The following CD44 variants were observed in gnomAD, a reference collection of about 807,000 sequenced individuals.
CD44 encodes CD44 antigen.
Under a neutral mutation model 88.8 loss-of-function variants are expected in CD44, and 49 were observed. The observed-to-expected ratio is 0.55, with a 90% confidence interval of 0.44 to 0.70. The LOEUF is 0.70. Ranked by LOEUF, CD44 falls within the 30% of genes least tolerant of loss-of-function variation. CD44 has a pLI of 0.00. For missense variants in CD44, 883 were observed against 913.8 expected (o/e 0.97, Z 0.43); for synonymous variants, 325 against 312.3 (o/e 1.04, Z -0.43).
chr11:35,205,752 C>A (rs1947767228), intron 10 of CD44: 21 of 984,212 alleles, frequency 2.1e-5, no homozygotes, highest in East Asian at 1.1e-4. Flanking sequence ...AGAATAACAT[C>A]ATGCACTCGG....
chr11:35,206,373 A>G, intron 11 of CD44, 130 bp downstream of exon 11: 1 of 904,080 alleles, frequency 1.1e-6, no homozygotes, highest in South Asian at 2.0e-5. Flanking sequence ...GGTTCTTCAA[A>G]AATTAGTTTT....
chr11:35,222,636 A>T, intron 17 of CD44: 1 of 765,414 alleles, frequency 1.3e-6, no homozygotes, highest in Non-Finnish European at 1.6e-6. Flanking sequence ...TTATATATAC[A>T]CAATAGTAAT....
intron 15 of CD44, chr11:35,218,834 A>C (rs1949054865): frequency 6.4e-6 from 1 of 155,890 alleles, no homozygotes; most frequent in Admixed American, 6.2e-5. Flanking sequence ...TTTGAGTAGC[A>C]AGGTCCTAAA....
intron 1 of CD44, among the ~76,000 whole-genome samples, chr11:35,151,513 G>A (rs763577181): frequency 2.6e-5 from 4 of 152,152 alleles, no homozygotes; most frequent in Admixed American, 2.6e-4. Flanking sequence ...TTAGCTCAAG[G>A]AACATTTCCC....
At chr11:35,195,295 C>T (rs1420137195) in intron 5 of CD44, among the ~76,000 whole-genome samples, 3 of 152,038 alleles carry the variant, frequency 2.0e-5, no homozygotes, top group African/African-American at 7.2e-5. Flanking sequence ...TTATTCTTTA[C>T]ATTTGTTTGC....
intron 13 of CD44, chr11:35,210,404 T>C (rs1407494243): frequency 6.4e-6 from 1 of 155,436 alleles, no homozygotes. Flanking sequence ...AATTTAGTGC[T>C]ATAAATTTCC....
At position 35,204,520 on chromosome 11, in the gene CD44, A is replaced by G. The variant is rs201348644; in HGVS notation, c.1162A>G (p.Thr388Ala). The G allele has an allele frequency of 2.6e-4, 417 of 1,613,080 alleles. No homozygotes were observed. The highest frequency in any genetic ancestry group is 3.2e-4 in the Non-Finnish European group (380 of 1,179,400). Residue 388 changes from threonine (T) to alanine (A), a missense_variant, in exon 10 of 18, where the codon ACT (threonine) becomes GCT (alanine). By Grantham distance (58) the Thr-to-Ala change is moderately conservative. Coordinates refer to ENST00000428726, the MANE Select transcript of CD44 (RefSeq NM_000610.4). ...TGATATTCTTCTCACAGTCCAGGCA[A>G]CTCCTAGTAGTACAACGGAAGAAAC... is the stretch of plus-strand genomic sequence containing the variant. ...TPHSTSTIQA[T>A]PSSTTEETAT... is the part of the protein sequence containing the mutation.
chr11:35,164,044 C>G (rs61881628), intron 1 of CD44, among the ~76,000 whole-genome samples: 24,087 of 152,032 alleles, frequency 0.16, 2,084 homozygotes, highest in South Asian at 0.26. Context: ...GCCTGGCACA[C>G]AGTAGGTACT....
At chr11:35,139,932 C>G (rs370556156) in intron 1 of CD44, among the ~76,000 whole-genome samples, 1 of 152,246 alleles carries the variant, frequency 6.6e-6, no homozygotes, top group African/African-American at 2.4e-5. Context: ...GCTTACAGTC[C>G]GCAGTGTCAC....
At chr11:35,151,667 G>A (rs1860349652) in intron 1 of CD44, among the ~76,000 whole-genome samples, 1 of 152,206 alleles carries the variant, frequency 6.6e-6, no homozygotes, top group Non-Finnish European at 1.5e-5. Flanking sequence ...GGACATCACC[G>A]TAGTGGAGCA....
intron 1 of CD44, among the ~76,000 whole-genome samples, chr11:35,158,400 C>A (rs1000378414): frequency 6.6e-6 from 1 of 152,178 alleles, no homozygotes; most frequent in Non-Finnish European, 1.5e-5. Context: ...CTGCCAGTCA[C>A]CAATTATGTG....
rs769999943 is a variant in CD44, at chr11:35,190,046, A to C, written c.648A>C (p.Thr216=). ...ACAGTCCCTGGATCACCGACAGCAC[A>C]GACAGAATCCCTGCTACCAGTAAGG... The part of the protein sequence containing the change: ...DEDSPWITDS[T]DRIPATTLMS... The change falls in exon 5 of 18, where the codon ACA becomes ACC. Residue 216 remains threonine (T), a synonymous_variant. Coordinates refer to ENST00000428726, the MANE Select transcript of CD44 (RefSeq NM_000610.4). The C allele has an allele frequency of 1.0e-4, 164 of 1,613,818 alleles. No individual in the cohort carries two copies. The highest frequency in any genetic ancestry group is 1.4e-4 in the Non-Finnish European group (161 of 1,179,772).
rs1944333894 is a variant in CD44, at chr11:35,175,262, G to T, written c.68-1313G>T. Among the ~76,000 whole-genome samples, 2 of 152,100 alleles carry T rather than the reference G, an allele frequency of 1.3e-5. 1 individual carries two copies. Among genetic ancestry groups the T allele is most frequent in the South Asian group, 4.2e-4 (2 of 4,818 alleles). ...AGGGAGCCAGGAGCCAGATTATGTT[G>T]GTTTTAGCCATAATAAGAACATTTA... On this transcript the variant is annotated intron_variant, in intron 1 of 17. Coordinates refer to ENST00000428726, the MANE Select transcript of CD44 (RefSeq NM_000610.4).
intron 6 of CD44, 148 bp downstream of exon 6, chr11:35,197,022 T>A (rs1300337419): frequency 4.2e-6 from 3 of 718,036 alleles, no homozygotes; most frequent in Non-Finnish European, 6.8e-6. Context: ...AACTCTGGTA[T>A]CTGTTTGTTT....
chr11:35,180,265 CTCTTACAGG>C lies in CD44; in HGVS notation c.234-7_235del, dbSNP rs1944862104. 1 of 1,613,518 alleles carries C rather than the reference CTCTTACAGG, an allele frequency of 6.2e-7. No individual in the cohort carries two copies. Among genetic ancestry groups the C allele is most frequent in the African/African-American group, 1.3e-5 (1 of 74,870 alleles). ...TTTAGGTCAATATCCTGTTGTTTTT[CTCTTACAGG>C]TATGGGTTCATAGAAGGGCACGTGG... On this transcript the variant is annotated splice_acceptor_variant and splice_polypyrimidine_tract_variant and coding_sequence_variant and intron_variant, in exon 3 of 18. Transcript: ENST00000428726. LOFTEE classifies it high-confidence loss of function.
At position 35,199,934 on chromosome 11, in the gene CD44, GT is replaced by G. The variant is rs60509735; in HGVS notation, c.923-1121del. On this transcript the variant is annotated intron_variant, in intron 7 of 17. Transcript: ENST00000428726. The stretch of plus-strand genomic sequence containing the variant: ...TCAGGGAAAAATTTCCCATGGTGTT[GT>G]TTTTTTTTTTTTTTTTTTTTTTTTT... Among the ~76,000 whole-genome samples, 287 of 90,866 alleles carry G rather than the reference GT, an allele frequency of 3.2e-3. 5 individuals carry two copies. Among genetic ancestry groups the G allele is most frequent in the African/African-American group, 0.012 (271 of 22,680 alleles). 59.6% of individuals were successfully genotyped at this position (90,866 alleles called of 152,430 possible). A position where few individuals can be genotyped will look rare whatever the true frequency, so the allele number is the denominator to read the frequency against.
At chr11:35,183,943 C>T (rs1945404220) in intron 3 of CD44, among the ~76,000 whole-genome samples, 1 of 152,114 alleles carries the variant, frequency 6.6e-6, no homozygotes, top group African/African-American at 2.4e-5. Context: ...GAAGAGGGTG[C>T]CTTTCTATCT....
chr11:35,153,744 G>C (rs1941490697), intron 1 of CD44, among the ~76,000 whole-genome samples: 1 of 152,184 alleles, frequency 6.6e-6, no homozygotes, highest in Non-Finnish European at 1.5e-5. Flanking sequence ...GATCTTGTGA[G>C]AGCATAATAG....
intron 6 of CD44, 119 bp downstream of exon 6, chr11:35,196,993 T>C (rs768074384): frequency 7.1e-5 from 74 of 1,038,246 alleles, no homozygotes; most frequent in Middle Eastern, 2.7e-4. Flanking sequence ...ATTTTCGTTA[T>C]GACTTCAGAA....
Sources: gnomAD v4.1 joint callset for allele counts (sites outside exome capture counted in the v4.1 genomes callset) on GRCh38, gnomAD v4.1.1 for gene constraint, MANE v1.5 for transcripts, NCBI Gene and HGNC (gene_info 2026-07-23, HGNC 2026-07-21) for gene names.